The following JAKMIP3 variants were observed in gnomAD, a reference collection of about 807,000 sequenced individuals.
The protein encoded by JAKMIP3 is janus kinase and microtubule-interacting protein 3.
JAKMIP3 carries 58 observed loss-of-function variants against 118.5 expected under a neutral mutation model. The observed-to-expected ratio is 0.49, with a 90% CI of 0.40 to 0.61. The LOEUF (loss-of-function observed/expected upper bound fraction) is 0.61. Among genes scored for constraint, JAKMIP3 ranks in the 20% least tolerant of loss-of-function variants. The pLI is 0.00. For synonymous variants in JAKMIP3, 486 were observed against 451.2 expected, an observed-to-expected ratio of 1.08 and a Z score of -0.98; for missense variants, 950 against 1,109.0, an observed-to-expected ratio of 0.86 and a Z score of 2.04.
At chr10:132,175,870 A>G (rs4880339) in intron 23 of JAKMIP3, among the ~76,000 whole-genome samples, 76,213 of 152,098 alleles carry the variant, frequency 0.5, 20,333 homozygotes, top group East Asian at 0.9. Flanking sequence ...GACCAGTGAA[A>G]TTGTTTTCTT....
upstream of JAKMIP3, among the ~76,000 whole-genome samples, chr10:132,062,114 G>A (rs754902840): frequency 1.5e-4 from 23 of 152,022 alleles, no homozygotes; most frequent in Non-Finnish European, 5.9e-5. Flanking sequence ...AGACACAGGG[G>A]AAGAGGGGCC....
chr10:132,148,180 G>A, intron 14 of JAKMIP3, 130 bp downstream of exon 14: 1 of 583,162 alleles, frequency 1.7e-6, no homozygotes, highest in Admixed American at 3.2e-5. Flanking sequence ...CTGCGTCAGG[G>A]AGGAAAGAGG....
intron 1 of JAKMIP3, among the ~76,000 whole-genome samples, chr10:132,070,733 C>G (rs1310591609): frequency 6.6e-6 from 1 of 152,126 alleles, no homozygotes; most frequent in Non-Finnish European, 1.5e-5. Flanking sequence ...AAAAGAGCCC[C>G]CAAAGGCCCT....
intron 16 of JAKMIP3, among the ~76,000 whole-genome samples, chr10:132,151,207 ATCAT>A (rs1210413499): frequency 6.6e-6 from 1 of 151,656 alleles, no homozygotes; most frequent in African/African-American, 2.4e-5. Flanking sequence ...TGCATCCTCC[ATCAT>A]TCATTCATTC....
intron 2 of JAKMIP3, among the ~76,000 whole-genome samples, chr10:132,110,760 G>A (rs1276027582): frequency 1.3e-5 from 2 of 152,220 alleles, no homozygotes; most frequent in East Asian, 1.9e-4. Context: ...GCCCTCTGTC[G>A]GGAGAGAGAT....
intron 2 of JAKMIP3, among the ~76,000 whole-genome samples, chr10:132,106,471 A>G (rs1361942887): frequency 6.6e-6 from 1 of 152,098 alleles, no homozygotes; most frequent in African/African-American, 2.4e-5. Context: ...CCCTCCTGCC[A>G]TGAGTCCCTC....
chr10:132,100,866 A>G (rs1055685740), intron 1 of JAKMIP3, among the ~76,000 whole-genome samples: 2 of 151,220 alleles, frequency 1.3e-5, no homozygotes, highest in African/African-American at 4.9e-5. Flanking sequence ...TGCATGAGGA[A>G]CCCCAGCTGT....
At chr10:132,055,739 G>A (rs567001354) in intron 1 of JAKMIP3, among the ~76,000 whole-genome samples, 5 of 152,256 alleles carry the variant, frequency 3.3e-5, no homozygotes, top group African/African-American at 9.6e-5. Context: ...GAGCTGCCCC[G>A]TGGTGTCCTG....
chr10:132,147,922 C>A, intron 13 of JAKMIP3, 30 bp from the exon 14 acceptor site: 2 of 1,490,596 alleles, frequency 1.3e-6, no homozygotes, highest in Admixed American at 1.9e-5. Flanking sequence ...AGAACCAGAC[C>A]CCTCACCTCA....
In JAKMIP3 at chr10:132,162,737, C is replaced by G. The variant is rs1001443073; in HGVS notation, c.2221-472C>G. ...ATATACAGAGCAAACTGCCAAACCCCAGGAATTCATGAAAAGGTGTGTATT... is the reference window on the plus strand; with the variant it reads ...ATATACAGAGCAAACTGCCAAACCCGAGGAATTCATGAAAAGGTGTGTATT... On this transcript the variant is annotated intron_variant, in intron 19 of 23. Transcript: ENST00000684848. 3.4e-5 allele frequency among the ~76,000 whole-genome samples: 3 copies of G among 89,378 alleles called. 1 individual carries two copies. In the Admixed American group the frequency reaches 4.3e-4, roughly 13 times the overall value. 58.6% of individuals were successfully genotyped at this position (89,378 alleles called of 152,430 possible).
chr10:132,177,365 C>CGT (rs1220863371), intron 23 of JAKMIP3, among the ~76,000 whole-genome samples: 1 of 152,234 alleles, frequency 6.6e-6, no homozygotes, highest in South Asian at 2.1e-4. Flanking sequence ...AGTGTGCGCA[C>CGT]GTGTGTGCAC....
rs2047955382 is a variant in JAKMIP3, at chr10:132,117,833, C to G, written c.633+259C>G. Among the ~76,000 whole-genome samples, 1 of 152,204 alleles carries G rather than the reference C, an allele frequency of 6.6e-6. No homozygotes were observed. Among genetic ancestry groups the G allele is most frequent in the African/African-American group, 2.4e-5 (1 of 41,446 alleles). On this transcript the variant is annotated intron_variant, in intron 3 of 23. Transcript: ENST00000684848. This position sits in a 1 kb window ranked among gnomAD's most constrained non-coding sequence, Gnocchi z 8.6. ...CACGGGGCAGGCCAGACTCTCACCT[C>G]CCCTTTTCCACAAACACCAGCTCTA... is the stretch of plus-strand genomic sequence containing the variant.
upstream of JAKMIP3, among the ~76,000 whole-genome samples, chr10:132,061,739 T>C (rs1387626764): frequency 1.3e-5 from 2 of 151,802 alleles, no homozygotes; most frequent in Non-Finnish European, 2.9e-5. Flanking sequence ...GACCCAAGGG[T>C]GAAAAGCTAA....
chr10:132,131,939 A>G (rs2050719205), intron 3 of JAKMIP3, among the ~76,000 whole-genome samples: 1 of 152,116 alleles, frequency 6.6e-6, no homozygotes, highest in African/African-American at 2.4e-5. Flanking sequence ...GCTGCTGGAA[A>G]CAGCCCACCG....
chr10:132,065,768 G>A (rs1427305769), upstream of JAKMIP3, among the ~76,000 whole-genome samples: 1 of 152,066 alleles, frequency 6.6e-6, no homozygotes, highest in African/African-American at 2.4e-5. The surrounding 1 kb of genome is among the most constrained non-coding windows in gnomAD (Gnocchi z 5.6). Flanking sequence ...AGGGAGCTGG[G>A]CTGGGGGCTC....
intron 3 of JAKMIP3, among the ~76,000 whole-genome samples, chr10:132,124,231 G>A (rs967535798): frequency 2.6e-5 from 4 of 152,206 alleles, no homozygotes; most frequent in African/African-American, 4.8e-5. Context: ...TGCCCGCCCC[G>A]GTGCGTCACA....
chr10:132,083,000 C>G (rs987446910), intron 1 of JAKMIP3, among the ~76,000 whole-genome samples: 1 of 152,210 alleles, frequency 6.6e-6, no homozygotes, highest in Non-Finnish European at 1.5e-5. Flanking sequence ...TATAAACGTG[C>G]ATGTGCAAGT....
In JAKMIP3 at chr10:132,180,770, C is replaced by CGTGTGCGT. The variant is rs2061277627; in HGVS notation, c.*1104-1582_*1104-1581insCGTGTGTG. On this transcript the variant is annotated intron_variant, in intron 23 of 23. Transcript: ENST00000684848. ...GCGCGCGCGTGTGTGCGTGTGTGTG[C>CGTGTGCGT]GTGTGTGTGTGTGCGCGTATGCATG... Among the ~76,000 whole-genome samples the CGTGTGCGT allele has an allele frequency of 2.9e-4, 15 of 52,202 alleles. 3 individuals carry two copies. Among genetic ancestry groups the CGTGTGCGT allele is most frequent in the Non-Finnish European group, 3.6e-4 (11 of 30,530 alleles). 34.2% of individuals were successfully genotyped at this position (52,202 alleles called of 152,430 possible).
intron 6 of JAKMIP3, 79 bp downstream of exon 6, chr10:132,136,155 T>G (rs558583323): frequency 1.3e-6 from 2 of 1,492,880 alleles, no homozygotes; most frequent in Non-Finnish European, 1.8e-6. Flanking sequence ...CCACGCAAGA[T>G]TTAGCATGAC....
Sources: gnomAD v4.1 joint callset for allele counts (sites outside exome capture counted in the v4.1 genomes callset) on GRCh38, gnomAD v4.1.1 for gene constraint, Gnocchi (gnomAD v3.1) non-coding constraint, MANE v1.5 for transcripts, NCBI Gene and HGNC (gene_info 2026-07-23, HGNC 2026-07-21) for gene names.